GAREM1: variants seen among roughly 807,000 people sequenced by gnomAD.
GAREM1 encodes GRB2-associated and regulator of MAPK protein 1.
GAREM1 carries 26 observed loss-of-function variants against 71.3 expected under a neutral mutation model. That is an observed-to-expected ratio of 0.36 (90% CI 0.27 to 0.51). The LOEUF (loss-of-function observed/expected upper bound fraction) is 0.51. Ranked by LOEUF, GAREM1 falls within the 20% of genes least tolerant of loss-of-function variation. GAREM1 has a pLI of 0.95. For missense variants in GAREM1, 1,026 were observed against 1,103.1 expected, an observed-to-expected ratio of 0.93 and a Z score of 0.99; for synonymous variants, 440 against 433.2, an observed-to-expected ratio of 1.02 and a Z score of -0.20.
chr18:32,277,513 A>G (rs2041558437), intron 4 of GAREM1, among the ~76,000 whole-genome samples: 1 of 152,226 alleles, frequency 6.6e-6, no homozygotes, highest in Non-Finnish European at 1.5e-5. Context: ...ACACTAATAG[A>G]ACAAATGCTT....
Position 32,271,589 on chromosome 18 carries a change from C to T in GAREM1, c.1567-1206G>A, listed in dbSNP as rs1385896320. 2.0e-5 allele frequency among the ~76,000 whole-genome samples: 3 copies of T among 152,306 alleles called. 1 individual carries two copies. The East Asian group carries it at 5.8e-4, about 29-fold the overall frequency. On this transcript the variant is annotated intron_variant, in intron 4 of 5. Coordinates refer to ENST00000269209, the MANE Select transcript of GAREM1 (RefSeq NM_001242409.2). ...GGGTGGGGCCTGGGAATCTGCATTT[C>T]TAACAAGTTCCTAGGTGATACTGAT...
At chr18:32,386,009 T>C (rs148578528) in intron 2 of GAREM1, among the ~76,000 whole-genome samples, 2,068 of 152,340 alleles carry the variant, frequency 0.014, 61 homozygotes, top group African/African-American at 0.048. Context: ...TCAAAAATGG[T>C]TATTTTTTAG....
At chr18:32,433,153 CA>C (rs1382585135) in intron 1 of GAREM1, among the ~76,000 whole-genome samples, 2,313 of 139,534 alleles carry the variant, frequency 0.017, 61 homozygotes, top group African/African-American at 0.057. Flanking sequence ...CATTAACAGG[CA>C]AAAAAAAAAC....
At chr18:32,381,899 G>C (rs145972865) in intron 2 of GAREM1, among the ~76,000 whole-genome samples, 5 of 152,012 alleles carry the variant, frequency 3.3e-5, no homozygotes, top group Admixed American at 3.3e-4. Context: ...CCTTAACCTC[G>C]TTCACCTGAA....
In GAREM1 at chr18:32,287,083, T is replaced by G; in HGVS notation, c.1514A>C (p.Lys505Thr). ...PIPGTLGAAV[K>T]SSDTALPPPP... ...TGGAGGTAGGGCAGTATCTGAAGAC[T>G]TCACTGCTGCTCCCAGAGTCCCAGG... The change falls in exon 4 of 6, where the codon AAG becomes ACG. Residue 505 changes from lysine to threonine, a missense_variant. By Grantham distance (78) the Lys-to-Thr change is moderately conservative. Around this residue, in one of 3 missense-constraint regions of GAREM1, gnomAD observed 636 missense variants for 631.2 expected, o/e 1.01. Coordinates refer to ENST00000269209, the MANE Select transcript of GAREM1 (RefSeq NM_001242409.2). The surrounding 1 kb of genome is among the most constrained non-coding windows in gnomAD (Gnocchi z 5.9). 6.2e-7 allele frequency: 1 copy of G among 1,614,186 alleles called. No homozygotes were observed. The highest frequency in any genetic ancestry group is 8.5e-7 in the Non-Finnish European group (1 of 1,180,018).
intron 2 of GAREM1, among the ~76,000 whole-genome samples, chr18:32,367,628 T>C (rs2144621494): frequency 6.6e-6 from 1 of 152,330 alleles, no homozygotes; most frequent in South Asian, 2.1e-4. Flanking sequence ...ATTTTATTTT[T>C]TATTTTGTTT....
chr18:32,436,043 T>C (rs950213098), intron 1 of GAREM1, among the ~76,000 whole-genome samples: 1 of 152,152 alleles, frequency 6.6e-6, no homozygotes, highest in Non-Finnish European at 1.5e-5. Context: ...AATTTTCCTC[T>C]GATAAAGGGC....
At chr18:32,323,977 T>A in intron 2 of GAREM1, among the ~76,000 whole-genome samples, 1 of 150,976 alleles carries the variant, frequency 6.6e-6, no homozygotes, top group African/African-American at 2.4e-5. Flanking sequence ...AAAAAGAAAA[T>A]GAGACATAGA....
chr18:32,306,823 G>A (rs1345818740), intron 3 of GAREM1, among the ~76,000 whole-genome samples: 2 of 152,170 alleles, frequency 1.3e-5, no homozygotes, highest in African/African-American at 2.4e-5. Flanking sequence ...TTTACCCCCA[G>A]TGCCTGCAGT....
intron 2 of GAREM1, among the ~76,000 whole-genome samples, chr18:32,369,887 G>T (rs2047960129): frequency 6.6e-6 from 1 of 152,130 alleles, no homozygotes; most frequent in Non-Finnish European, 1.5e-5. Flanking sequence ...CTCTAGTCCT[G>T]GGTCCACTGC....
At chr18:32,380,964 C>G (rs1229748686) in intron 2 of GAREM1, among the ~76,000 whole-genome samples, 1 of 151,814 alleles carries the variant, frequency 6.6e-6, no homozygotes, top group East Asian at 1.9e-4. Flanking sequence ...AAATATACAG[C>G]CAGAATATTT....
chr18:32,376,803 A>T (rs902682639), intron 2 of GAREM1, among the ~76,000 whole-genome samples: 19 of 152,230 alleles, frequency 1.2e-4, no homozygotes, highest in Admixed American at 2.6e-4. Flanking sequence ...GCACCATTGC[A>T]CTCCAGCCTG....
Position 32,267,973 on chromosome 18 carries a change from A to G in GAREM1, c.2529T>C (p.Leu843=), listed in dbSNP as rs113385812. 6.2e-7 allele frequency: 1 copy of G among 1,614,020 alleles called. No homozygotes were observed. The highest frequency in any genetic ancestry group is 8.5e-7 in the Non-Finnish European group (1 of 1,179,898). ...AGAGGATTTCTTCCGTTAGCTGAAC[A>G]AGCAGGTTCCCATCAATCTTTTCAG... The part of the protein sequence containing the change: ...FVTEKIDGNL[L]VQLTEEILSE... The change falls in exon 6 of 6, where the codon CTT becomes CTC. Residue 843 remains leucine (L), a synonymous_variant. Transcript: ENST00000269209.
At chr18:32,408,435 G>A (rs538364697) in intron 1 of GAREM1, among the ~76,000 whole-genome samples, 41 of 152,238 alleles carry the variant, frequency 2.7e-4, no homozygotes, top group Admixed American at 1.6e-3. Context: ...TATCCCTAAT[G>A]CAGAGAAAAA....
chr18:32,343,558 C>T (rs2047668076), intron 2 of GAREM1, among the ~76,000 whole-genome samples: 1 of 152,092 alleles, frequency 6.6e-6, no homozygotes, highest in African/African-American at 2.4e-5. Context: ...ACCTCAGCCT[C>T]CCAAAGTGCT....
At chr18:32,314,695 T>C (rs2047359030) in intron 2 of GAREM1, among the ~76,000 whole-genome samples, 1 of 151,874 alleles carries the variant, frequency 6.6e-6, no homozygotes, top group Admixed American at 6.6e-5. Flanking sequence ...TTCAAGCCAT[T>C]CTCCTGCCTC....
At chr18:32,415,551 A>G (rs953322814) in intron 1 of GAREM1, among the ~76,000 whole-genome samples, 8 of 152,214 alleles carry the variant, frequency 5.3e-5, no homozygotes, top group African/African-American at 1.9e-4. Context: ...TATCCCAGGG[A>G]TGCAAGCACA....
In GAREM1 at chr18:32,372,934, G is replaced by A. The variant is rs140781203; in HGVS notation, c.262+19961C>T. Among the ~76,000 whole-genome samples the A allele has an allele frequency of 2.3e-3, 344 of 152,198 alleles. 2 individuals carry two copies. Among genetic ancestry groups the A allele is most frequent in the African/African-American group, 7.9e-3 (330 of 41,526 alleles). On this transcript the variant is annotated intron_variant, in intron 2 of 5. Transcript: ENST00000269209. ...AGCAGCTCCCAGGCAGCTTCATCTC[G>A]ATTACAGCTCTCTCCCGCCTCACCC...
chr18:32,449,367 T>C (rs903468822), intron 1 of GAREM1, among the ~76,000 whole-genome samples: 1 of 152,178 alleles, frequency 6.6e-6, no homozygotes, highest in Non-Finnish European at 1.5e-5. Context: ...AAGTTTTTAA[T>C]CATTCATAGT....
Sources: gnomAD v4.1 joint callset for allele counts (sites outside exome capture counted in the v4.1 genomes callset) on GRCh38, gnomAD v4.1.1 for gene constraint, gnomAD v4.1.1 regional missense constraint, Gnocchi (gnomAD v3.1) non-coding constraint, MANE v1.5 for transcripts, NCBI Gene and HGNC (gene_info 2026-07-23, HGNC 2026-07-21) for gene names.